The following PDE7A variants were observed in gnomAD, a reference collection of about 807,000 sequenced individuals.
PDE7A encodes high affinity 3',5'-cyclic-AMP phosphodiesterase 7A.
A neutral mutation model predicts 64.3 loss-of-function variants in PDE7A; 39 were observed. The ratio of observed to expected loss-of-function variants is 0.61; its 90% CI spans 0.47 to 0.79. The LOEUF is 0.79. Ranked by LOEUF, PDE7A falls within the 30% of genes least tolerant of loss-of-function variation. The probability of loss-of-function intolerance (pLI) is 0.00; values close to 1 mark genes in which losing one functional copy is unlikely to be tolerated. For missense variants in PDE7A, 470 were observed against 582.8 expected, an observed-to-expected ratio of 0.81 and a Z score of 1.99; for synonymous variants, 203 against 206.8, an observed-to-expected ratio of 0.98 and a Z score of 0.16.
In PDE7A at chr8:65,718,270, C is replaced by T. The variant is rs1806223299; in HGVS notation, c.*1020G>A. 6.6e-6 allele frequency: 1 copy of T among 152,290 alleles called. No homozygotes were observed. The highest frequency in any genetic ancestry group is 6.5e-5 in the Admixed American group (1 of 15,284). The allele number at this position is 152,290 out of a possible 1,614,324, so 9.4% of individuals were successfully genotyped here. ...GAGAAACATAACATGCACAGTCACA[C>T]ATGCACAAACATGCACGCAAACACA... is the stretch of plus-strand genomic sequence containing the variant. On this transcript the variant is annotated 3_prime_UTR_variant, in exon 13 of 13. Coordinates refer to ENST00000401827, the MANE Select transcript of PDE7A (RefSeq NM_001242318.3).
intron 1 of PDE7A, among the ~76,000 whole-genome samples, chr8:65,808,942 G>A (rs536920550): frequency 1.1e-4 from 16 of 152,268 alleles, no homozygotes; most frequent in African/African-American, 3.6e-4. Flanking sequence ...GAAAAGTGCT[G>A]TATTCTTCAC....
At chr8:65,808,721 C>T (rs979470893) in intron 1 of PDE7A, among the ~76,000 whole-genome samples, 1 of 151,958 alleles carries the variant, frequency 6.6e-6, no homozygotes, top group African/African-American at 2.4e-5. Flanking sequence ...GAGGAAGAAA[C>T]GTAAAGTATA....
chr8:65,809,383 CAA>C (rs200571841), intron 1 of PDE7A, among the ~76,000 whole-genome samples: 1 of 150,696 alleles, frequency 6.6e-6, no homozygotes, highest in African/African-American at 2.4e-5. Context: ...ATCTTTGTAT[CAA>C]AAAAAAGTTT....
At chr8:65,833,543 A>G (rs1810881508) in intron 1 of PDE7A, among the ~76,000 whole-genome samples, 1 of 152,218 alleles carries the variant, frequency 6.6e-6, no homozygotes, top group East Asian at 1.9e-4. Flanking sequence ...AAGGTCTTGG[A>G]GCACAACAGG....
At chr8:65,786,111 C>T (rs1471990669) in intron 1 of PDE7A, among the ~76,000 whole-genome samples, 1 of 152,030 alleles carries the variant, frequency 6.6e-6, no homozygotes, top group Admixed American at 6.6e-5. Context: ...ATCTTAATTT[C>T]TTAAGCAAAA....
At chr8:65,839,398 CTT>C (rs775525188) in intron 1 of PDE7A, among the ~76,000 whole-genome samples, 3 of 145,402 alleles carry the variant, frequency 2.1e-5, no homozygotes, top group East Asian at 2.0e-4. Flanking sequence ...TTTCTGTCTC[CTT>C]TTTTTTTTTC....
intron 3 of PDE7A, among the ~76,000 whole-genome samples, chr8:65,769,771 C>G (rs1351608444): frequency 6.6e-6 from 1 of 152,116 alleles, no homozygotes; most frequent in East Asian, 1.9e-4. Flanking sequence ...TAGTGATTGC[C>G]CGTAATCCTT....
At chr8:65,764,530 A>G (rs939831043) in intron 3 of PDE7A, among the ~76,000 whole-genome samples, 6 of 152,346 alleles carry the variant, frequency 3.9e-5, no homozygotes, top group Admixed American at 2.6e-4. Flanking sequence ...TATAATGAAG[A>G]AAGCTGCATG....
At chr8:65,818,416 A>G (rs1810466413) in intron 1 of PDE7A, among the ~76,000 whole-genome samples, 1 of 152,180 alleles carries the variant, frequency 6.6e-6, no homozygotes, top group Non-Finnish European at 1.5e-5. Context: ...TGTTGTACAC[A>G]ATCACTGATA....
At chr8:65,740,450 G>A (rs1032630248) in intron 5 of PDE7A, among the ~76,000 whole-genome samples, 3 of 151,980 alleles carry the variant, frequency 2.0e-5, no homozygotes, top group Admixed American at 6.6e-5. Flanking sequence ...ACCTGGGCTG[G>A]AGTACAATGG....
intron 1 of PDE7A, among the ~76,000 whole-genome samples, chr8:65,824,771 T>C (rs1810628590): frequency 6.6e-6 from 1 of 152,224 alleles, no homozygotes; most frequent in South Asian, 2.1e-4. Context: ...GACATAATGC[T>C]ACTGTACACT....
intron 1 of PDE7A, among the ~76,000 whole-genome samples, chr8:65,786,803 G>C: frequency 6.6e-6 from 1 of 152,082 alleles, no homozygotes; most frequent in East Asian, 1.9e-4. Context: ...AGCCATCCTG[G>C]GAACAGCTTG....
intron 3 of PDE7A, among the ~76,000 whole-genome samples, chr8:65,761,784 GT>G (rs989484747): frequency 6.6e-6 from 1 of 152,154 alleles, no homozygotes; most frequent in Admixed American, 6.5e-5. Context: ...TAAAAGACAT[GT>G]TTTTCTGTTG....
At chr8:65,730,570 T>C (rs903946008) in intron 7 of PDE7A, among the ~76,000 whole-genome samples, 3 of 152,088 alleles carry the variant, frequency 2.0e-5, no homozygotes, top group Non-Finnish European at 4.4e-5. Flanking sequence ...AAGGAAATAT[T>C]GTCTTCCGTG....
chr8:65,840,916 G>A (rs184317116), intron 1 of PDE7A, among the ~76,000 whole-genome samples: 200 of 152,390 alleles, frequency 1.3e-3, no homozygotes, highest in Admixed American at 2.7e-3. Flanking sequence ...AGGACCAGGC[G>A]AGCGCCGCGG....
At chr8:65,765,254 C>T (rs1040427483) in intron 3 of PDE7A, among the ~76,000 whole-genome samples, 15 of 151,858 alleles carry the variant, frequency 9.9e-5, no homozygotes, top group Non-Finnish European at 1.5e-4. Context: ...CTTTGGGAGG[C>T]CGAGGCGGGC....
rs1298845618 is a variant in PDE7A, at chr8:65,841,414, C to G, written c.95G>C (p.Ser32Thr). ...ATTGGGGCAGCCGAAGAGAGCGGAG[C>G]TGGAGCTGAAGCTGATGGCTCCTCG... is the stretch of plus-strand genomic sequence containing the variant. ...SRRGAISFSS[S>T]SALFGCPNPR... Residue 32 changes from serine to threonine, a missense_variant, in exon 1 of 13, where the codon AGC becomes ACC. By Grantham distance (58) the Ser-to-Thr change is moderately conservative. Coordinates refer to ENST00000401827, the MANE Select transcript of PDE7A (RefSeq NM_001242318.3). The G allele has an allele frequency of 6.4e-7, 1 of 1,564,624 alleles. No individual in the cohort carries two copies. Among genetic ancestry groups the G allele is most frequent in the Admixed American group, 1.9e-5 (1 of 51,330 alleles).
At chr8:65,818,376 T>C (rs1810465650) in intron 1 of PDE7A, among the ~76,000 whole-genome samples, 1 of 152,220 alleles carries the variant, frequency 6.6e-6, no homozygotes, top group African/African-American at 2.4e-5. Flanking sequence ...AGCATCATGA[T>C]CAAGACAAAT....
At chr8:65,785,139 C>CA (rs1376387180) in intron 1 of PDE7A, among the ~76,000 whole-genome samples, 1 of 151,948 alleles carries the variant, frequency 6.6e-6, no homozygotes, top group African/African-American at 2.4e-5. Context: ...TACATGATTT[C>CA]ACAAGTTCTT....
Sources: allele counts gnomAD v4.1 joint callset (sites outside exome capture counted in the v4.1 genomes callset), GRCh38; gene constraint gnomAD v4.1.1; transcripts MANE v1.5; gene names NCBI Gene and HGNC (gene_info 2026-07-23, HGNC 2026-07-21).